Variants in LIMA1 observed in about 807,000 individuals in gnomAD.
LIMA1 encodes LIM domain and actin binding 1.
Under a neutral mutation model 62.6 loss-of-function variants are expected in LIMA1, and 52 were observed. That is an observed-to-expected ratio of 0.83 (90% confidence interval 0.67 to 1.05). LIMA1 has a LOEUF of 1.05. LIMA1 is among the 50% of genes least tolerant of loss of function. LIMA1 has a pLI of 0.00. For missense variants in LIMA1, 780 were observed against 902.2 expected (o/e 0.86, Z 1.74); for synonymous variants, 302 against 317.8 (o/e 0.95, Z 0.53).
chr12:50,275,594 G>A (rs1324376134), intron 1 of LIMA1, among the ~76,000 whole-genome samples: 1 of 152,068 alleles, frequency 6.6e-6, no homozygotes, highest in East Asian at 1.9e-4. Flanking sequence ...ATTAGAAAAG[G>A]CTTTTTTTTA....
intron 4 of LIMA1, chr12:50,219,800 C>T (rs1941411051): frequency 6.6e-6 from 1 of 150,422 alleles, no homozygotes; most frequent in Admixed American, 6.6e-5. Flanking sequence ...AATCTTCTGC[C>T]TCAGCCTCCT....
chr12:50,195,001 T>C (rs1206062058), intron 8 of LIMA1, among the ~76,000 whole-genome samples: 1 of 151,856 alleles, frequency 6.6e-6, no homozygotes, highest in Non-Finnish European at 1.5e-5. Context: ...TGAGCCGAGA[T>C]TGCACCACTG....
chr12:50,232,615 G>A (rs1209850479), intron 2 of LIMA1, among the ~76,000 whole-genome samples: 1 of 151,714 alleles, frequency 6.6e-6, no homozygotes, highest in Non-Finnish European at 1.5e-5. Flanking sequence ...GTGATCTGCT[G>A]GCCTCAGCCT....
At chr12:50,197,429 CA>C (rs1169851420) in intron 7 of LIMA1, among the ~76,000 whole-genome samples, 5 of 150,692 alleles carry the variant, frequency 3.3e-5, no homozygotes, top group African/African-American at 1.2e-4. Context: ...TATTGGTTAA[CA>C]AAAGCTAGGC....
chr12:50,233,715 G>A (rs1941646614), intron 2 of LIMA1, among the ~76,000 whole-genome samples: 1 of 152,136 alleles, frequency 6.6e-6, no homozygotes, highest in African/African-American at 2.4e-5. Flanking sequence ...ACTAAAGACA[G>A]GGTTTCACCA....
At chr12:50,185,628 C>G in intron 9 of LIMA1, 1 of 383,488 alleles carries the variant, frequency 2.6e-6, no homozygotes, top group Non-Finnish European at 5.2e-6. Flanking sequence ...TCGTATCTAC[C>G]TGAGGCTGGA....
At chr12:50,204,407 G>T in intron 6 of LIMA1, 145 bp downstream of exon 6, 2 of 887,596 alleles carry the variant, frequency 2.3e-6, no homozygotes, top group South Asian at 2.6e-5. Flanking sequence ...CAAATCCAGC[G>T]AGGGTAGGGT....
intron 2 of LIMA1, among the ~76,000 whole-genome samples, chr12:50,237,407 C>T (rs1201334294): frequency 3.9e-5 from 6 of 152,136 alleles, no homozygotes; most frequent in African/African-American, 1.2e-4. Flanking sequence ...GAGGCCAAGG[C>T]GGGCGGATCT....
chr12:50,242,631 T>C (rs1941794222), intron 2 of LIMA1, among the ~76,000 whole-genome samples: 1 of 152,222 alleles, frequency 6.6e-6, no homozygotes, highest in Non-Finnish European at 1.5e-5. Flanking sequence ...TCAGTCATAA[T>C]TGCTAATCCT....
intron 6 of LIMA1, among the ~76,000 whole-genome samples, chr12:50,202,977 T>C (rs116528865): frequency 1.3e-5 from 2 of 151,720 alleles, no homozygotes; most frequent in Admixed American, 1.3e-4. Context: ...TACATATATA[T>C]GTGAATAAAT....
intron 1 of LIMA1, among the ~76,000 whole-genome samples, chr12:50,278,505 A>G (rs922282435): frequency 1.3e-5 from 2 of 152,186 alleles, no homozygotes; most frequent in African/African-American, 4.8e-5. Flanking sequence ...GAGAATGTTA[A>G]TTAGTCTAAT....
At chr12:50,268,247 C>T (rs1003710326) in intron 1 of LIMA1, among the ~76,000 whole-genome samples, 1 of 152,172 alleles carries the variant, frequency 6.6e-6, no homozygotes, top group Non-Finnish European at 1.5e-5. Context: ...GAGCACAACC[C>T]TGTAAGAAGC....
At chr12:50,236,008 T>C (rs2138601743) in intron 2 of LIMA1, among the ~76,000 whole-genome samples, 1 of 151,916 alleles carries the variant, frequency 6.6e-6, no homozygotes, top group East Asian at 2.0e-4. Flanking sequence ...CTACTAAACA[T>C]ACAAAAATTA....
At chr12:50,200,939 C>A in intron 6 of LIMA1, 55 bp from the exon 7 acceptor site, 1 of 1,583,944 alleles carries the variant, frequency 6.3e-7, no homozygotes, top group South Asian at 1.1e-5. Context: ...ATTCTGTTCT[C>A]TTCATAGCAC....
intron 3 of LIMA1, chr12:50,222,785 A>G (rs1941470000): frequency 1.1e-6 from 1 of 918,596 alleles, no homozygotes; most frequent in African/African-American, 1.7e-5. Context: ...CATGCGAAAC[A>G]AGAGATTTTT....
intron 9 of LIMA1, chr12:50,191,237 CTGGCTGGGCACAG>C (rs1282011275): frequency 1.3e-5 from 2 of 151,626 alleles, no homozygotes; most frequent in Non-Finnish European, 1.5e-5. Context: ...CAGATTTTTC[CTGGCTGGGCACAG>C]TGGCTCATGC....
intron 6 of LIMA1, 34 bp from the exon 7 acceptor site, chr12:50,200,918 A>T (rs747665456): frequency 6.2e-6 from 10 of 1,607,866 alleles, no homozygotes; most frequent in African/African-American, 1.3e-5. Context: ...AAATTTTTTT[A>T]AAGTCCCATC....
chr12:50,244,059 C>A (rs1055466941), intron 2 of LIMA1, among the ~76,000 whole-genome samples: 40 of 150,834 alleles, frequency 2.7e-4, no homozygotes, highest in African/African-American at 7.6e-4. Context: ...GGATTACAGG[C>A]ACGCACCACC....
In LIMA1 at chr12:50,195,883, G is replaced by C. The variant is rs773016597; in HGVS notation, c.977C>G (p.Ser326Cys). 3.9e-5 allele frequency: 26 copies of C among 664,320 alleles called. No homozygotes were observed. The highest frequency in any genetic ancestry group is 8.8e-5 in the East Asian group (2 of 22,748). 41.2% of individuals were successfully genotyped at this position (664,320 alleles called of 1,614,324 possible). ...GACTGCCAGGCTATTCTCATTTGCA[G>C]AAATCTACAAAAAAAAAAAAAAAAA... is the stretch of plus-strand genomic sequence containing the variant. ...CITHQEGEKI[S>C]ANENSLAVRS... is the part of the protein sequence containing the mutation. Residue 326 changes from serine to cysteine, a missense_variant, in exon 8 of 11, where the codon TCT becomes TGT. Physicochemically the swap from Ser to Cys is moderately radical, Grantham distance 112. Coordinates refer to ENST00000341247, the MANE Select transcript of LIMA1 (RefSeq NM_016357.5).
Sources: gnomAD v4.1 joint callset for allele counts (sites outside exome capture counted in the v4.1 genomes callset) on GRCh38, gnomAD v4.1.1 for gene constraint, MANE v1.5 for transcripts, NCBI Gene and HGNC (gene_info 2026-07-23, HGNC 2026-07-21) for gene names.